The following RASGRF2 variants were observed in gnomAD, a reference collection of about 807,000 sequenced individuals.
RASGRF2 encodes Ras protein specific guanine nucleotide releasing factor 2.
In RASGRF2, 76 loss-of-function variants were observed where a neutral mutation model predicts 151.0. That is an observed-to-expected ratio of 0.50 (90% CI 0.42 to 0.61). The LOEUF (loss-of-function observed/expected upper bound fraction) is 0.61. RASGRF2 is among the 20% of genes least tolerant of loss of function. The probability of loss-of-function intolerance (pLI) is 0.00; values close to 1 mark genes in which losing one functional copy is unlikely to be tolerated. For synonymous variants in RASGRF2, 504 were observed against 566.5 expected, an observed-to-expected ratio of 0.89 and a Z score of 1.57; for missense variants, 1,148 against 1,564.6, an observed-to-expected ratio of 0.73 and a Z score of 4.49.
At chr5:81,215,487 T>C (rs886516209) in intron 23 of RASGRF2, among the ~76,000 whole-genome samples, 1 of 151,868 alleles carries the variant, frequency 6.6e-6, no homozygotes, top group African/African-American at 2.4e-5. Flanking sequence ...GCCAGGATGG[T>C]CTCAAACTCC....
chr5:80,962,676 G>A (rs1019565597), intron 1 of RASGRF2, among the ~76,000 whole-genome samples: 1 of 151,006 alleles, frequency 6.6e-6, no homozygotes. Context: ...TCTCTGACTT[G>A]CTAATGTTAT....
At chr5:81,004,063 G>A (rs139498435) in intron 1 of RASGRF2, among the ~76,000 whole-genome samples, 46 of 152,316 alleles carry the variant, frequency 3.0e-4, no homozygotes, top group African/African-American at 1.0e-3. Flanking sequence ...TGAAAGCAGG[G>A]TCCCTGCCCC....
Position 81,205,900 on chromosome 5 carries a change from G to A in RASGRF2, c.2907-945G>A, listed in dbSNP as rs755961626. Among the ~76,000 whole-genome samples, 139 of 152,198 alleles carry A rather than the reference G, an allele frequency of 9.1e-4. 1 individual carries two copies. The highest frequency in any genetic ancestry group is 3.4e-3 in the Middle Eastern group (1 of 294). Reference sequence around the variant, plus strand: ...CGAGTAGCTGGGACTACAAGTGCCCGCCACCTGCCCAGCTAATTTTTTGTA... The same window carrying A: ...CGAGTAGCTGGGACTACAAGTGCCCACCACCTGCCCAGCTAATTTTTTGTA... On this transcript the variant is annotated intron_variant, in intron 19 of 26. Transcript: ENST00000265080.
intron 17 of RASGRF2, 37 bp downstream of exon 17, chr5:81,127,200 A>G (rs879158889): frequency 8.9e-6 from 14 of 1,574,818 alleles, no homozygotes; most frequent in Non-Finnish European, 1.1e-5. Context: ...ATATGTGACC[A>G]TTTATATTAA....
chr5:81,125,271 C>T (rs893280610), intron 16 of RASGRF2, among the ~76,000 whole-genome samples: 10 of 152,134 alleles, frequency 6.6e-5, no homozygotes, highest in African/African-American at 1.4e-4. Flanking sequence ...AAATGGTTAT[C>T]GGTGGCCTTA....
chr5:80,985,901 T>A (rs1425388119), intron 1 of RASGRF2, among the ~76,000 whole-genome samples: 8 of 151,974 alleles, frequency 5.3e-5, no homozygotes, highest in African/African-American at 1.2e-4. Context: ...ATAGAGTGTG[T>A]GCTTGACTCC....
At chr5:81,086,180 A>G (rs1752223765) in intron 8 of RASGRF2, among the ~76,000 whole-genome samples, 1 of 152,018 alleles carries the variant, frequency 6.6e-6, no homozygotes, top group Non-Finnish European at 1.5e-5. Context: ...TAAGTTTGGA[A>G]ATGTTCATGT....
intron 4 of RASGRF2, 110 bp from the exon 5 acceptor site, chr5:81,073,089 G>T (rs1236318821): frequency 1.5e-6 from 2 of 1,310,350 alleles, no homozygotes; most frequent in Non-Finnish European, 2.1e-6. Flanking sequence ...CAATTTTAGA[G>T]GTTATCATGT....
At chr5:81,118,998 A>G (rs1329764760) in intron 15 of RASGRF2, among the ~76,000 whole-genome samples, 1 of 152,182 alleles carries the variant, frequency 6.6e-6, no homozygotes, top group African/African-American at 2.4e-5. Flanking sequence ...ACATTCTATC[A>G]TGACCACCTA....
At chr5:81,095,201 A>G (rs1272239357) in intron 12 of RASGRF2, among the ~76,000 whole-genome samples, 1 of 152,154 alleles carries the variant, frequency 6.6e-6, no homozygotes, top group East Asian at 1.9e-4. Context: ...TTTGCCTGAA[A>G]TGTAGTAATT....
chr5:81,086,188 T>C (rs867144590), intron 8 of RASGRF2, among the ~76,000 whole-genome samples: 2 of 152,072 alleles, frequency 1.3e-5, no homozygotes, highest in East Asian at 1.9e-4. Flanking sequence ...GAAATGTTCA[T>C]GTTTCTTTCA....
chr5:81,137,778 A>C (rs958031224), intron 17 of RASGRF2, among the ~76,000 whole-genome samples: 2 of 152,228 alleles, frequency 1.3e-5, no homozygotes, highest in Non-Finnish European at 2.9e-5. Context: ...AGCTATGAGA[A>C]AATACATTTA....
intron 18 of RASGRF2, among the ~76,000 whole-genome samples, chr5:81,197,118 G>A (rs911659753): frequency 3.9e-5 from 6 of 152,216 alleles, no homozygotes; most frequent in Non-Finnish European, 7.3e-5. Flanking sequence ...CTGGGCCCCA[G>A]TGGCTCTTGT....
intron 1 of RASGRF2, among the ~76,000 whole-genome samples, chr5:80,994,232 G>A (rs1418875879): frequency 1.3e-5 from 2 of 151,994 alleles, no homozygotes; most frequent in African/African-American, 2.4e-5. Context: ...CAGGCGTGGT[G>A]GTAGGCGCCT....
chr5:81,163,684 GT>G (rs1310921680), intron 17 of RASGRF2, among the ~76,000 whole-genome samples: 6 of 152,174 alleles, frequency 3.9e-5, no homozygotes, highest in African/African-American at 1.4e-4. Flanking sequence ...CTTAAAATAA[GT>G]GGTCCTTTAT....
chr5:81,176,282 A>C (rs34226265), intron 17 of RASGRF2, among the ~76,000 whole-genome samples: 4 of 152,136 alleles, frequency 2.6e-5, no homozygotes, highest in African/African-American at 7.2e-5. Flanking sequence ...GGCAGTAATC[A>C]TGTGGAAGCC....
intron 1 of RASGRF2, among the ~76,000 whole-genome samples, chr5:81,002,949 G>T (rs12153097): frequency 0.18 from 26,836 of 152,156 alleles, 2,454 homozygotes; most frequent in South Asian, 0.21. Context: ...GTCAGTGAGG[G>T]TTCCTTGAAC....
chr5:81,003,201 C>A (rs1749136443), intron 1 of RASGRF2, among the ~76,000 whole-genome samples: 1 of 149,072 alleles, frequency 6.7e-6, no homozygotes, highest in Non-Finnish European at 1.5e-5. Context: ...ATTATGGATG[C>A]ATGCCACCAC....
At chr5:81,125,545 G>A (rs1753429203) in intron 16 of RASGRF2, among the ~76,000 whole-genome samples, 1 of 152,126 alleles carries the variant, frequency 6.6e-6, no homozygotes. Context: ...TCCAGGTCTT[G>A]GCAACTTCCT....
Sources: allele counts gnomAD v4.1 joint callset (sites outside exome capture counted in the v4.1 genomes callset), GRCh38; gene constraint gnomAD v4.1.1; transcripts MANE v1.5; gene names NCBI Gene and HGNC (gene_info 2026-07-23, HGNC 2026-07-21).